The following FCER1A variants were observed in gnomAD, a reference collection of about 807,000 sequenced individuals.
The protein encoded by FCER1A is high affinity immunoglobulin epsilon receptor subunit alpha.
Under a neutral mutation model 23.6 loss-of-function variants are expected in FCER1A, and 24 were observed. The observed-to-expected ratio is 1.02, with a 90% confidence interval of 0.74 to 1.43. FCER1A has a LOEUF of 1.43. Ranked by LOEUF, FCER1A falls within the 40% of genes most tolerant of loss-of-function variation. The probability of loss-of-function intolerance (pLI) is 0.00; values close to 1 mark genes in which losing one functional copy is unlikely to be tolerated. For missense variants in FCER1A, 318 were observed against 294.5 expected (o/e 1.08, Z -0.58); for synonymous variants, 121 against 108.8 (o/e 1.11, Z -0.70).
intron 1 of FCER1A, among the ~76,000 whole-genome samples, chr1:159,294,861 T>G (rs1201127478): frequency 2.0e-5 from 3 of 152,168 alleles, no homozygotes; most frequent in Non-Finnish European, 2.9e-5. Context: ...AAAAGTATAT[T>G]ATAAAAAACA....
At chr1:159,288,323 T>C (rs1652066645), upstream of FCER1A, among the ~76,000 whole-genome samples, 1 of 152,192 alleles carries the variant, frequency 6.6e-6, no homozygotes, top group Admixed American at 6.5e-5. Flanking sequence ...TCATGGGGGC[T>C]ACACCAAGAT....
At chr1:159,303,105 T>G (rs1332572382) in intron 2 of FCER1A, among the ~76,000 whole-genome samples, 1 of 152,184 alleles carries the variant, frequency 6.6e-6, no homozygotes, top group East Asian at 1.9e-4. Context: ...CTGTTGCACA[T>G]ATACATGTCT....
intron 1 of FCER1A, among the ~76,000 whole-genome samples, chr1:159,291,806 CT>C (rs1557966290): frequency 6.6e-6 from 1 of 152,102 alleles, no homozygotes; most frequent in African/African-American, 2.4e-5. Context: ...TTCCTATTCA[CT>C]TTTTTAGCCC....
chr1:159,297,179 C>T (rs985134844), intron 1 of FCER1A, among the ~76,000 whole-genome samples: 3 of 152,136 alleles, frequency 2.0e-5, no homozygotes, highest in African/African-American at 7.2e-5. Context: ...ATTTCTCTGT[C>T]TCGTACCACA....
At chr1:159,287,570 G>C (rs923043752), upstream of FCER1A, among the ~76,000 whole-genome samples, 2 of 151,872 alleles carry the variant, frequency 1.3e-5, no homozygotes, top group South Asian at 2.1e-4. Context: ...TGGAGATAAG[G>C]AGTTGTCCAG....
intron 3 of FCER1A, among the ~76,000 whole-genome samples, chr1:159,304,602 G>A (rs190723764): frequency 2.4e-4 from 37 of 151,962 alleles, no homozygotes; most frequent in South Asian, 1.0e-3. Context: ...GCAAGACTCC[G>A]TCTCAAAAAA....
At chr1:159,292,770 G>A (rs964141086) in intron 1 of FCER1A, among the ~76,000 whole-genome samples, 1 of 152,112 alleles carries the variant, frequency 6.6e-6, no homozygotes, top group Non-Finnish European at 1.5e-5. Context: ...AGCAGGACCT[G>A]TAAGAGGTAA....
intron 1 of FCER1A, among the ~76,000 whole-genome samples, chr1:159,296,024 C>G (rs1234018514): frequency 1.3e-5 from 2 of 152,062 alleles, no homozygotes; most frequent in South Asian, 4.1e-4. Context: ...AAGAGGAGAT[C>G]AAATAACATG....
At chr1:159,287,460 A>G (rs529087672), upstream of FCER1A, among the ~76,000 whole-genome samples, 178 of 152,184 alleles carry the variant, frequency 1.2e-3, 1 homozygote, top group Non-Finnish European at 2.1e-3. Context: ...CTGTGATACT[A>G]ATTACCATAG....
chr1:159,307,746 A>T lies in FCER1A; in HGVS notation c.590-2A>T, dbSNP rs780188505. The T allele has an allele frequency of 1.9e-6, 3 of 1,594,822 alleles. No homozygotes were observed. Among genetic ancestry groups the T allele is most frequent in the Non-Finnish European group, 2.6e-6 (3 of 1,165,360 alleles). ...TCTCATTGCATCTGTGTTCCACTAC[A>T]GCTCCGCGTGAGAAGTACTGGCTAC... On this transcript the variant is annotated splice_acceptor_variant, in intron 4 of 4. Transcript: ENST00000693622. LOFTEE classifies it high-confidence loss of function.
At chr1:159,290,588 A>T (rs1377253096) in intron 1 of FCER1A, among the ~76,000 whole-genome samples, 2 of 152,274 alleles carry the variant, frequency 1.3e-5, no homozygotes, top group East Asian at 3.9e-4. Flanking sequence ...GATCCCTACC[A>T]TTCAGACCTC....
At chr1:159,290,377 T>C (rs957985510) in intron 1 of FCER1A, among the ~76,000 whole-genome samples, 4 of 152,176 alleles carry the variant, frequency 2.6e-5, no homozygotes, top group African/African-American at 9.7e-5. Flanking sequence ...ACCTGCCTTT[T>C]CCTGCAAACC....
At chr1:159,286,553 C>T (rs560793847), upstream of FCER1A, among the ~76,000 whole-genome samples, 39 of 152,180 alleles carry the variant, frequency 2.6e-4, no homozygotes, top group Middle Eastern at 3.4e-3. Context: ...AGGATGGTCT[C>T]GATCTCCTGA....
At chr1:159,292,619 T>C (rs1378186838) in intron 1 of FCER1A, among the ~76,000 whole-genome samples, 7 of 152,116 alleles carry the variant, frequency 4.6e-5, no homozygotes, top group Non-Finnish European at 8.8e-5. Context: ...GACATACCTA[T>C]CTATATATAG....
At chr1:159,286,339 CA>C (rs1182300657), upstream of FCER1A, among the ~76,000 whole-genome samples, 2 of 148,498 alleles carry the variant, frequency 1.3e-5, no homozygotes, top group Admixed American at 1.3e-4. Context: ...TTGTCTAAAT[CA>C]TTTTTTTTTT....
chr1:159,287,027 G>A (rs1652036279), upstream of FCER1A, among the ~76,000 whole-genome samples: 1 of 152,122 alleles, frequency 6.6e-6, no homozygotes, highest in Admixed American at 6.5e-5. Flanking sequence ...GCCCAAAAGA[G>A]AAAAGAATGA....
At chr1:159,291,772 C>T (rs1652159045) in intron 1 of FCER1A, among the ~76,000 whole-genome samples, 1 of 152,128 alleles carries the variant, frequency 6.6e-6, no homozygotes, top group Non-Finnish European at 1.5e-5. Flanking sequence ...ATATTGTCCG[C>T]ACATGTTGCC....
upstream of FCER1A, among the ~76,000 whole-genome samples, chr1:159,300,616 ATGT>A (rs1652406916): frequency 6.6e-6 from 1 of 152,184 alleles, no homozygotes; most frequent in Non-Finnish European, 1.5e-5. Context: ...CTAGCATAAG[ATGT>A]TGTTTATCAA....
chr1:159,301,616 C>A (rs535044013), upstream of FCER1A, among the ~76,000 whole-genome samples: 3 of 152,144 alleles, frequency 2.0e-5, no homozygotes, highest in Non-Finnish European at 4.4e-5. Context: ...GGTCAGACAG[C>A]GGATCATCAG....
Sources: gnomAD v4.1 joint callset for allele counts (sites outside exome capture counted in the v4.1 genomes callset) on GRCh38, gnomAD v4.1.1 for gene constraint, MANE v1.5 for transcripts, NCBI Gene and HGNC (gene_info 2026-07-23, HGNC 2026-07-21) for gene names.